VSTM1: variants seen among roughly 807,000 people sequenced by gnomAD.
VSTM1 encodes the protein V-set and transmembrane domain-containing protein 1.
A neutral mutation model predicts 33.1 loss-of-function variants in VSTM1; 27 were observed. The observed-to-expected ratio is 0.82, with a 90% confidence interval of 0.60 to 1.12. VSTM1 has a LOEUF of 1.12. Among genes scored for constraint, VSTM1 ranks in the 50% most tolerant of loss-of-function variants. The pLI is 0.00. For synonymous variants in VSTM1, 115 were observed against 110.3 expected (o/e 1.04, Z -0.27); for missense variants, 304 against 288.9 (o/e 1.05, Z -0.38).
At chr19:54,048,748 C>T (rs1045858276) in intron 4 of VSTM1, among the ~76,000 whole-genome samples, 5 of 152,292 alleles carry the variant, frequency 3.3e-5, no homozygotes, top group African/African-American at 9.6e-5. Flanking sequence ...AGCACCATTA[C>T]TCGCTTTAGC....
chr19:54,054,840 G>A, intron 3 of VSTM1, among the ~76,000 whole-genome samples: 1 of 99,388 alleles, frequency 1.0e-5, no homozygotes, highest in Admixed American at 1.1e-4. Flanking sequence ...TGGATTAATG[G>A]ATAGATGAAT....
intron 4 of VSTM1, among the ~76,000 whole-genome samples, chr19:54,047,374 C>G (rs1234349493): frequency 6.6e-6 from 1 of 151,742 alleles, no homozygotes; most frequent in Non-Finnish European, 1.5e-5. Context: ...GGCTTTGGAA[C>G]CTCCCCCTCT....
At chr19:54,043,908 A>G (rs1293022950) in intron 4 of VSTM1, among the ~76,000 whole-genome samples, 1 of 149,004 alleles carries the variant, frequency 6.7e-6, no homozygotes, top group East Asian at 1.9e-4. Context: ...GAGGGAGGTC[A>G]CAGATGGGAG....
intron 4 of VSTM1, among the ~76,000 whole-genome samples, chr19:54,045,993 TTATC>T (rs201895046): frequency 2.5e-4 from 38 of 152,288 alleles, no homozygotes; most frequent in Non-Finnish European, 4.0e-4. Flanking sequence ...TATCGTCTAT[TTATC>T]TATCTAATCT....
In VSTM1 at chr19:54,041,916, C is replaced by T. The variant is rs375842013; in HGVS notation, c.553G>A (p.Glu185Lys). 23 of 1,614,008 alleles carry T rather than the reference C, an allele frequency of 1.4e-5. No individual in the cohort carries two copies. The African/African-American group carries it at 1.5e-4, about 10-fold the overall frequency. ...CCCTTAAACTTCCCCTGTCCCTTAC[C>T]GGCAGCCTCCTGCTCCGGAAGTTTG... ...HSKLPEQEAA[E>K]ADLSNMERVS... The change falls in exon 7 of 9, where the codon GAG becomes AAG. Residue 185 changes from glutamate (E) to lysine (K), a missense_variant and splice_region_variant. By Grantham distance (56) the Glu-to-Lys change is moderately conservative. Transcript: ENST00000338372.
At chr19:54,052,748 T>C (rs1281295159) in intron 3 of VSTM1, 7 of 142,600 alleles carry the variant, frequency 4.9e-5, no homozygotes, top group African/African-American at 1.8e-4. Flanking sequence ...TTTGTCAATT[T>C]GATATTTTTA....
chr19:54,046,207 C>A (rs1211062835), intron 4 of VSTM1, among the ~76,000 whole-genome samples: 8 of 152,172 alleles, frequency 5.3e-5, no homozygotes, highest in African/African-American at 1.9e-4. Flanking sequence ...TCTATCACAT[C>A]TAATTATCTA....
chr19:54,056,214 C>CTTTTTTTTTTTTTTTTTTTTTT (rs869203085), intron 3 of VSTM1, among the ~76,000 whole-genome samples: 5 of 39,176 alleles, frequency 1.3e-4, no homozygotes, highest in Admixed American at 3.5e-4. Flanking sequence ...CTTTTCTTTT[C>CTTTTTTTTTTTTTTTTTTTTTT]TTTTTTTTTT....
In VSTM1 at chr19:54,063,597, A is replaced by G. The variant is rs1341209469; in HGVS notation, c.34+147T>C. The G allele has an allele frequency of 5.3e-6, 5 of 944,066 alleles. No individual in the cohort carries two copies. In the African/African-American group the frequency reaches 8.4e-5, roughly 16 times the overall value. The allele number at this position is 944,066 out of a possible 1,614,324, so 58.5% of individuals were successfully genotyped here. ...CTTGCATGTGGGCGGCAGAACTCAC[A>G]GAACCCACAGCCCAGACCCACCCAC... On this transcript the variant is annotated intron_variant, in intron 1 of 8. Transcript: ENST00000338372.
At chr19:54,060,351 G>A (rs1164674551) in intron 1 of VSTM1, among the ~76,000 whole-genome samples, 1 of 152,136 alleles carries the variant, frequency 6.6e-6, no homozygotes, top group African/African-American at 2.4e-5. Context: ...TGTCAGTCAT[G>A]GGGCTTGTTT....
intron 1 of VSTM1, 40 bp downstream of exon 1, chr19:54,063,704 C>T (rs370731233): frequency 5.3e-5 from 85 of 1,612,292 alleles, no homozygotes; most frequent in African/African-American, 3.5e-4. Context: ...GAGTTTTTCT[C>T]ACCAGCCCAA....
intron 1 of VSTM1, among the ~76,000 whole-genome samples, chr19:54,062,166 A>T (rs1328554121): frequency 6.6e-6 from 1 of 152,100 alleles, no homozygotes; most frequent in Non-Finnish European, 1.5e-5. Context: ...AGAAAAAAAA[A>T]AAATGCCAAG....
intron 1 of VSTM1, among the ~76,000 whole-genome samples, chr19:54,062,385 T>G (rs576903619): frequency 3.3e-5 from 5 of 152,230 alleles, no homozygotes; most frequent in African/African-American, 1.2e-4. Flanking sequence ...CAGCTTACTG[T>G]GCTCAGCAGC....
At chr19:54,052,330 G>C (rs113462791) in intron 3 of VSTM1, among the ~76,000 whole-genome samples, 2,823 of 115,716 alleles carry the variant, frequency 0.024, 45 homozygotes, top group Non-Finnish European at 0.026. Flanking sequence ...CCCGGGAGGC[G>C]GAGCTTGCAG....
At chr19:54,061,016 CTTTTTTT>C (rs10693760) in intron 1 of VSTM1, among the ~76,000 whole-genome samples, 28 of 115,028 alleles carry the variant, frequency 2.4e-4, no homozygotes, top group African/African-American at 8.1e-4. Context: ...TTTTTCTTTT[CTTTTTTT>C]TTTTTTTTTT....
chr19:54,048,197 C>T (rs1461527664), intron 4 of VSTM1, among the ~76,000 whole-genome samples: 1 of 152,130 alleles, frequency 6.6e-6, no homozygotes, highest in Non-Finnish European at 1.5e-5. Context: ...TTCACTGAAG[C>T]CTCAACCTCC....
intron 3 of VSTM1, among the ~76,000 whole-genome samples, chr19:54,056,976 C>T (rs1328601860): frequency 7.1e-6 from 1 of 140,354 alleles, no homozygotes; most frequent in Non-Finnish European, 1.6e-5. Context: ...CTGCCTCAGC[C>T]TCCCTAGTAG....
At chr19:54,060,626 C>T (rs1028059034) in intron 1 of VSTM1, among the ~76,000 whole-genome samples, 16 of 152,152 alleles carry the variant, frequency 1.1e-4, no homozygotes, top group African/African-American at 3.6e-4. Flanking sequence ...CCCCAAATCC[C>T]GCTTTTAGAT....
At chr19:54,046,200 A>G (rs1199351737) in intron 4 of VSTM1, among the ~76,000 whole-genome samples, 1 of 152,130 alleles carries the variant, frequency 6.6e-6, no homozygotes, top group Non-Finnish European at 1.5e-5. Flanking sequence ...CCTATTATCT[A>G]TCACATCTAA....
Sources: gnomAD v4.1 joint callset for allele counts (sites outside exome capture counted in the v4.1 genomes callset) on GRCh38, gnomAD v4.1.1 for gene constraint, MANE v1.5 for transcripts, NCBI Gene and HGNC (gene_info 2026-07-23, HGNC 2026-07-21) for gene names.